The following TAB2 variants were observed in gnomAD, a reference collection of about 807,000 sequenced individuals.
The protein encoded by TAB2 is TGF-beta activated kinase 1 (MAP3K7) binding protein 2.
TAB2 carries 3 observed loss-of-function variants against 65.0 expected under a neutral mutation model. The observed-to-expected ratio is 0.05, with a 90% CI of 0.02 to 0.12. TAB2 has a LOEUF of 0.12. Among genes scored for constraint, TAB2 ranks in the 10% least tolerant of loss-of-function variants. TAB2 has a pLI of 1.00. For missense variants in TAB2, 623 were observed against 840.3 expected (o/e 0.74, Z 3.20); for synonymous variants, 298 against 285.1 (o/e 1.05, Z -0.46).
chr6:149,248,482 A>AAG (rs564507597), intron 1 of TAB2, among the ~76,000 whole-genome samples: 46 of 133,206 alleles, frequency 3.5e-4, no homozygotes, highest in African/African-American at 7.5e-4. Flanking sequence ...GAAAGAAAGA[A>AAG]AGAGAGAGAG....
At chr6:149,407,159 A>G (rs899568078) in intron 6 of TAB2, among the ~76,000 whole-genome samples, 2 of 152,268 alleles carry the variant, frequency 1.3e-5, no homozygotes. Flanking sequence ...GCAAATGTTC[A>G]GAGACTAGAT....
At chr6:149,305,068 T>TTTGTTA (rs1026647576) in intron 1 of TAB2, among the ~76,000 whole-genome samples, 1 of 152,234 alleles carries the variant, frequency 6.6e-6, no homozygotes, top group Non-Finnish European at 1.5e-5. Flanking sequence ...TTTTTATTGT[T>TTTGTTA]TTGTTATTGT....
chr6:149,304,898 A>G (rs953329896), intron 1 of TAB2, among the ~76,000 whole-genome samples: 1 of 152,016 alleles, frequency 6.6e-6, no homozygotes, highest in Non-Finnish European at 1.5e-5. Flanking sequence ...TATCACACAC[A>G]TCTTCTCATA....
At position 149,378,222 on chromosome 6, in the gene TAB2, C is replaced by T. The variant is rs755842904; in HGVS notation, c.307C>T (p.Leu103=). Residue 103 remains leucine (L), a synonymous_variant, in exon 3 of 7, where the codon CTA becomes TTA. Transcript: ENST00000637181. ...AAGTAGGATGAATGGAAGTAGGACTCTAACGCACAGCATTAGTGATGGACA... is the reference window on the plus strand; with the variant it reads ...AAGTAGGATGAATGGAAGTAGGACTTTAACGCACAGCATTAGTGATGGACA... The part of the protein sequence containing the change: ...EGSRMNGSRT[L]THSISDGQLQ... The T allele has an allele frequency of 1.9e-6, 3 of 1,614,190 alleles. No homozygotes were observed. Among genetic ancestry groups the T allele is most frequent in the Non-Finnish European group, 2.5e-6 (3 of 1,180,036 alleles).
chr6:149,238,326 C>T (rs1191998573), intron 1 of TAB2, among the ~76,000 whole-genome samples: 1 of 152,218 alleles, frequency 6.6e-6, no homozygotes, highest in Non-Finnish European at 1.5e-5. Flanking sequence ...GGCTCCTCTT[C>T]TTCTCTACCT....
intron 1 of TAB2, among the ~76,000 whole-genome samples, chr6:149,321,953 A>G (rs73779304): frequency 0.033 from 5,097 of 152,244 alleles, 296 homozygotes; most frequent in African/African-American, 0.12. Context: ...ACTCATGTGT[A>G]ATGTAAAACT....
chr6:149,295,376 C>T (rs962832250), intron 1 of TAB2, among the ~76,000 whole-genome samples: 6 of 152,054 alleles, frequency 3.9e-5, no homozygotes, highest in African/African-American at 1.5e-4. Flanking sequence ...TTAATTTACC[C>T]GGTTTGAGAT....
At position 149,245,344 on chromosome 6, in the gene TAB2, T is replaced by C. The variant is rs1038159702; in HGVS notation, c.-121+26568T>C. On this transcript the variant is annotated intron_variant, in intron 1 of 1. Coordinates refer to the TAB2 transcript ENST00000606202. ...ACTTGCAGCCATCAAATCACTATGG[T>C]GTGCTGTTTATTTCTCCCAAAGACT... is the stretch of plus-strand genomic sequence containing the variant. 9.9e-5 allele frequency: 15 copies of C among 152,210 alleles called. No individual in the cohort carries two copies. In the East Asian group the frequency reaches 2.7e-3, roughly 27 times the overall value. 9.4% of individuals were successfully genotyped at this position (152,210 alleles called of 1,614,324 possible).
chr6:149,320,013 C>G (rs925967142), intron 1 of TAB2, among the ~76,000 whole-genome samples: 5 of 152,130 alleles, frequency 3.3e-5, no homozygotes, highest in African/African-American at 9.7e-5. Flanking sequence ...TGGAAAAAAG[C>G]GCTTGCCTTC....
chr6:149,221,624 C>T (rs1460510858), intron 1 of TAB2, among the ~76,000 whole-genome samples: 5 of 152,198 alleles, frequency 3.3e-5, no homozygotes, highest in African/African-American at 9.6e-5. Context: ...CACAGTGAAA[C>T]ACTTAACGCA....
chr6:149,260,365 G>A (rs565487854), intron 1 of TAB2, among the ~76,000 whole-genome samples: 1 of 152,326 alleles, frequency 6.6e-6, no homozygotes, highest in South Asian at 2.1e-4. Context: ...CCTTCTCAGG[G>A]TTCGGCTTTG....
chr6:149,275,272 GA>G (rs1419323302), intron 1 of TAB2, among the ~76,000 whole-genome samples: 1 of 149,168 alleles, frequency 6.7e-6, no homozygotes, highest in African/African-American at 2.5e-5. Flanking sequence ...AAGAAAGAAA[GA>G]AAGAAAGAAA....
intron 1 of TAB2, among the ~76,000 whole-genome samples, chr6:149,324,917 C>T (rs945861429): frequency 6.6e-6 from 1 of 151,626 alleles, no homozygotes; most frequent in South Asian, 2.1e-4. Flanking sequence ...CCACCTCAGC[C>T]TCCTGAATAG....
At chr6:149,402,372 T>G (rs12193052) in intron 6 of TAB2, among the ~76,000 whole-genome samples, 534 of 152,042 alleles carry the variant, frequency 3.5e-3, no homozygotes, top group Non-Finnish European at 5.6e-3. Flanking sequence ...TGATATCACC[T>G]ATTAAAGCTG....
chr6:149,318,890 C>G (rs1168183534), intron 1 of TAB2: 1 of 152,148 alleles, frequency 6.6e-6, no homozygotes, highest in Non-Finnish European at 1.5e-5. Flanking sequence ...ATAAATTCTT[C>G]AAATGTTTCT....
intron 1 of TAB2, among the ~76,000 whole-genome samples, chr6:149,340,376 T>C: frequency 6.6e-6 from 1 of 152,284 alleles, no homozygotes; most frequent in East Asian, 1.9e-4. Flanking sequence ...GCTAGTACAA[T>C]AAAGAAGGAA....
chr6:149,397,241 A>G (rs1583157741), intron 3 of TAB2, among the ~76,000 whole-genome samples: 1 of 152,340 alleles, frequency 6.6e-6, no homozygotes, highest in East Asian at 1.9e-4. Context: ...CCAGAGTTCG[A>G]GACCAGCCTG....
At chr6:149,333,300 G>A (rs1424656888) in intron 1 of TAB2, among the ~76,000 whole-genome samples, 1 of 152,210 alleles carries the variant, frequency 6.6e-6, no homozygotes, top group Admixed American at 6.5e-5. Flanking sequence ...CCCAAGATTA[G>A]TGAGGCGTAC....
rs113937796 is a variant in TAB2, at chr6:149,379,064, T to C, written c.1149T>C (p.Ser383=). ...PPNTDELMSR[S]QPKVYISANA... is the part of the protein sequence containing the mutation. ...ATACGGATGAGCTGATGTCCCGTAG[T>C]CAACCTAAGGTCTATATTTCAGCGA... The change falls in exon 3 of 7, where the codon AGT becomes AGC. Residue 383 remains serine, a synonymous_variant. Coordinates refer to ENST00000637181, the MANE Select transcript of TAB2 (RefSeq NM_001292034.3). The C allele has an allele frequency of 6.2e-7, 1 of 1,614,208 alleles. No homozygotes were observed. The highest frequency in any genetic ancestry group is 1.7e-5 in the Admixed American group (1 of 60,028).
Sources: allele counts gnomAD v4.1 joint callset (sites outside exome capture counted in the v4.1 genomes callset), GRCh38; gene constraint gnomAD v4.1.1; transcripts MANE v1.5; gene names NCBI Gene and HGNC (gene_info 2026-07-23, HGNC 2026-07-21).